Variants in CERT1 observed in about 807,000 individuals in gnomAD.
The protein encoded by CERT1 is ceramide transfer protein.
A neutral mutation model predicts 87.9 loss-of-function variants in CERT1; 31 were observed. The observed-to-expected ratio is 0.35, with a 90% CI of 0.27 to 0.48. The LOEUF (loss-of-function observed/expected upper bound fraction) is 0.48. Ranked by LOEUF, CERT1 falls within the 20% of genes least tolerant of loss-of-function variation. The pLI is 0.99. For missense variants in CERT1, 487 were observed against 758.0 expected, an observed-to-expected ratio of 0.64 and a Z score of 4.20; for synonymous variants, 289 against 250.9, an observed-to-expected ratio of 1.15 and a Z score of -1.44.
chr5:75,417,117 T>A (rs956533788), intron 6 of CERT1, 84 bp from the exon 7 acceptor site: 130 of 1,142,430 alleles, frequency 1.1e-4, no homozygotes, highest in Non-Finnish European at 1.5e-4. Context: ...GTTTAGAAAA[T>A]TAGCAAGTCA....
intron 6 of CERT1, among the ~76,000 whole-genome samples, chr5:75,418,751 A>G (rs1238032056): frequency 6.6e-6 from 1 of 152,220 alleles, no homozygotes; most frequent in African/African-American, 2.4e-5. Context: ...GTATGACTCC[A>G]TTTATATTAG....
rs531989143 is a variant in CERT1 at position 75,404,197 on chromosome 5, G to A, written c.931-1139C>T. 2.0e-5 allele frequency among the ~76,000 whole-genome samples: 3 copies of A among 150,632 alleles called. No homozygotes were observed. The East Asian group carries it at 5.9e-4, about 30-fold the overall frequency. On this transcript the variant is annotated intron_variant, in intron 8 of 16. Coordinates refer to ENST00000643780, the MANE Select transcript of CERT1 (RefSeq NM_001379029.1). ...ACACTGGAAGGGTGGGAGGTATGGG[G>A]TCACGTTCTTGTCATTTGGCATATA...
intron 6 of CERT1, 143 bp from the exon 7 acceptor site, chr5:75,417,176 A>G: frequency 1.6e-6 from 1 of 618,256 alleles, no homozygotes; most frequent in South Asian, 2.2e-5. Flanking sequence ...AACATTTAAA[A>G]ATCTCCTATC....
Position 75,444,204 on chromosome 5 carries a change from C to T in CERT1, c.348+14861G>A, listed in dbSNP as rs148248730. On this transcript the variant is annotated intron_variant, in intron 3 of 16. Transcript: ENST00000643780. ...CCGAGTAGCTGGGATTACAGGCACC[C>T]GCCACTGCGCTCAGCTAATTTTTAT... Among the ~76,000 whole-genome samples, 318 of 152,106 alleles carry T rather than the reference C, an allele frequency of 2.1e-3. 1 individual carries two copies. In the East Asian group the frequency reaches 0.028, roughly 13 times the overall value.
At chr5:75,511,822 G>C (rs1768028178), upstream of CERT1, 1 of 1,551,362 alleles carries the variant, frequency 6.4e-7, no homozygotes. Context: ...AGAGGGCGGG[G>C]TAGGGATGCA....
At chr5:75,472,590 A>T (rs112657351) in intron 2 of CERT1, among the ~76,000 whole-genome samples, 58 of 152,270 alleles carry the variant, frequency 3.8e-4, no homozygotes, top group African/African-American at 8.9e-4. Flanking sequence ...TAACCCAATT[A>T]AAAAAATGCA....
chr5:75,399,006 G>A (rs557957565), intron 11 of CERT1, among the ~76,000 whole-genome samples: 6 of 152,240 alleles, frequency 3.9e-5, no homozygotes, highest in African/African-American at 1.4e-4. Context: ...AATCCTGACT[G>A]AAGAAACAGA....
chr5:75,448,652 A>G (rs1764649896), intron 3 of CERT1, among the ~76,000 whole-genome samples: 1 of 152,220 alleles, frequency 6.6e-6, no homozygotes, highest in Non-Finnish European at 1.5e-5. Flanking sequence ...TGTATAAGCC[A>G]TGTCTCCCAC....
intron 3 of CERT1, among the ~76,000 whole-genome samples, chr5:75,428,279 C>A (rs1252259009): frequency 6.6e-6 from 1 of 151,434 alleles, no homozygotes; most frequent in African/African-American, 2.4e-5. Context: ...TCTAGGATCT[C>A]GGAGCTCCTG....
chr5:75,477,645 T>G (rs73764915), intron 2 of CERT1, among the ~76,000 whole-genome samples: 9,641 of 108,302 alleles, frequency 0.089, 449 homozygotes, highest in South Asian at 0.18. Context: ...TCTAATAAGT[T>G]GTAAAAAAAA....
downstream of CERT1, chr5:75,374,533 C>A (rs530539318): frequency 1.4e-6 from 1 of 717,656 alleles, no homozygotes; most frequent in Non-Finnish European, 2.6e-6. Flanking sequence ...GTTTGCTGCA[C>A]GAACCGTGCC....
chr5:75,474,724 C>T (rs1487762351), intron 2 of CERT1, among the ~76,000 whole-genome samples: 2 of 152,048 alleles, frequency 1.3e-5, no homozygotes, highest in Non-Finnish European at 2.9e-5. Context: ...TCACCATATG[C>T]AAAATTCAAT....
chr5:75,465,598 G>C (rs1014500037), intron 2 of CERT1, among the ~76,000 whole-genome samples: 1 of 152,196 alleles, frequency 6.6e-6, no homozygotes, highest in Non-Finnish European at 1.5e-5. Context: ...AAAGAACTGA[G>C]ATCAGAAAAT....
Position 75,379,174 on chromosome 5 carries a change from C to A in CERT1, c.*172G>T, listed in dbSNP as rs1303501872. On this transcript the variant is annotated 3_prime_UTR_variant, in exon 17 of 17. Transcript: ENST00000643780. ...TTCAGCTTAGGAAACAGAGCAAGAC[C>A]CTGTTTAAAACAACAACAACGACAA... The A allele has an allele frequency of 4.9e-6, 3 of 612,656 alleles. No homozygotes were observed. Among genetic ancestry groups the A allele is most frequent in the South Asian group, 4.3e-5 (2 of 46,634 alleles). The allele number at this position is 612,656 out of a possible 1,614,324, so 38.0% of individuals were successfully genotyped here.
intron 3 of CERT1, among the ~76,000 whole-genome samples, chr5:75,442,375 C>G (rs760887348): frequency 1.3e-5 from 2 of 152,174 alleles, no homozygotes; most frequent in South Asian, 2.1e-4. Flanking sequence ...TGCACACCAC[C>G]ACGTCCAGCT....
At position 75,378,562 on chromosome 5, in the gene CERT1, A is replaced by C. The variant is rs1038627283; in HGVS notation, c.*784T>G. The C allele has an allele frequency of 4.6e-5, 7 of 152,262 alleles. No homozygotes were observed. The highest frequency in any genetic ancestry group is 3.3e-4 in the Admixed American group (5 of 15,288). 9.4% of individuals were successfully genotyped at this position (152,262 alleles called of 1,614,324 possible). A position where few individuals can be genotyped will look rare whatever the true frequency, so the allele number is the denominator to read the frequency against. On this transcript the variant is annotated 3_prime_UTR_variant, in exon 17 of 17. Transcript: ENST00000643780. ...AAATTCTGCAACATGCATGTAACAG[A>C]TGTTAAAAGAATGAGATGTTTTACA...
chr5:75,417,057 A>C, intron 6 of CERT1, 24 bp from the exon 7 acceptor site: 1 of 1,495,792 alleles, frequency 6.7e-7, no homozygotes, highest in Non-Finnish European at 9.3e-7. Flanking sequence ...TTATTCACTG[A>C]AAATATCTCT....
rs1453530169 is a variant in CERT1 at position 75,464,726 on chromosome 5, C to T, written c.232-5545G>A. On this transcript the variant is annotated intron_variant, in intron 2 of 16. Coordinates refer to ENST00000643780, the MANE Select transcript of CERT1 (RefSeq NM_001379029.1). ...GAGTAGCTGAGACCACAGATGCATG[C>T]CACTACACCTGGATAATTTTTGTAT... Among the ~76,000 whole-genome samples, 3 of 152,102 alleles carry T rather than the reference C, an allele frequency of 2.0e-5. No homozygotes were observed. In the East Asian group the frequency reaches 5.8e-4, roughly 29 times the overall value.
In CERT1 at chr5:75,511,178, C is replaced by G. The variant is rs780759060; in HGVS notation, c.30G>C (p.Ser10=). 6 of 1,612,790 alleles carry G rather than the reference C, an allele frequency of 3.7e-6. No homozygotes were observed. In the East Asian group the frequency reaches 8.9e-5, roughly 24 times the overall value. The part of the protein sequence containing the change: MSDNQSWNS[S]GSEEDPETES... ...CCGTCTCTGGATCCTCCTCCGAGCC[C>G]GACGAGTTCCAGCTCTGATTATCCG... The change falls in exon 1 of 17, where the codon TCG becomes TCC. Residue 10 remains serine, a synonymous_variant. Transcript: ENST00000643780.
Sources: allele counts gnomAD v4.1 joint callset (sites outside exome capture counted in the v4.1 genomes callset), GRCh38; gene constraint gnomAD v4.1.1; transcripts MANE v1.5; gene names NCBI Gene and HGNC (gene_info 2026-07-23, HGNC 2026-07-21).